Variants in NRAP observed in about 807,000 individuals in gnomAD.
The protein encoded by NRAP is nebulin related anchoring protein, also known as nebulin-related-anchoring protein.
A neutral mutation model predicts 225.9 loss-of-function variants in NRAP; 189 were observed. The ratio of observed to expected loss-of-function variants is 0.84; its 90% CI spans 0.74 to 0.94. NRAP has a LOEUF of 0.94. Ranked by LOEUF, NRAP falls within the 40% of genes least tolerant of loss-of-function variation. The pLI is 0.00. For missense variants in NRAP, 2,176 were observed against 2,168.7 expected, an observed-to-expected ratio of 1.00 and a Z score of -0.07; for synonymous variants, 769 against 790.7, an observed-to-expected ratio of 0.97 and a Z score of 0.46.
rs760679116 is a variant in NRAP, at chr10:113,626,136, G to A, written c.2155C>T (p.Arg719Trp). ...AGQLVSEKNY[R>W]QRVDELKFTS... The stretch of plus-strand genomic sequence containing the variant: ...AACTTCAGCTCATCGACCCTCTGCC[G>A]GTAGTTTTTCTGTTTCCAAAGGAAA... The change falls in exon 21 of 42, where the codon CGG becomes TGG. Residue 719 changes from arginine to tryptophan, a missense_variant. By Grantham distance (101) the Arg-to-Trp change is moderately radical (BLOSUM62 -3). Coordinates refer to ENST00000359988, the MANE Select transcript of NRAP (RefSeq NM_198060.4). The A allele has an allele frequency of 1.2e-5, 19 of 1,604,088 alleles. No individual in the cohort carries two copies. Among genetic ancestry groups the A allele is most frequent in the Middle Eastern group, 1.6e-4 (1 of 6,072 alleles).
Position 113,597,968 on chromosome 10 carries a change from C to T in NRAP, c.4332+1G>A, listed in dbSNP as rs112987128. On this transcript the variant is annotated splice_donor_variant, in intron 36 of 41. Transcript: ENST00000359988. LOFTEE classifies it high-confidence loss of function. ...TTGTGGTGGGGACAGGTTGATGGTA[C>T]CTCGCTGATGAGTTCTCCAGCCTTC... 6.2e-7 allele frequency: 1 copy of T among 1,601,108 alleles called. No individual in the cohort carries two copies. The highest frequency in any genetic ancestry group is 8.6e-7 in the Non-Finnish European group (1 of 1,168,234).
chr10:113,620,976 C>A (rs372109201), intron 24 of NRAP, among the ~76,000 whole-genome samples: 1 of 152,180 alleles, frequency 6.6e-6, no homozygotes, highest in African/African-American at 2.4e-5. Flanking sequence ...ACCAAGCTTG[C>A]CCCTCATTAC....
intron 35 of NRAP, among the ~76,000 whole-genome samples, chr10:113,599,389 G>A (rs568585598): frequency 6.6e-6 from 1 of 152,200 alleles, no homozygotes; most frequent in Admixed American, 6.5e-5. Flanking sequence ...AGTCTACACC[G>A]GCAAAGCTTT....
rs774925164 is a variant in NRAP, at chr10:113,605,838, C to T, written c.3839G>A (p.Arg1280His). Residue 1280 changes from arginine to histidine, a missense_variant, in exon 34 of 42, where the codon CGT (arginine) becomes CAT (histidine). This residue lies in a region of NRAP where 1,708 missense variants were observed against 1,695.5 expected (regional missense o/e 1.01). Transcript: ENST00000359988. ...ARYKESWRNL[R>H]AQGYKLTIEA... ...TATTGTCAGCTTGTAGCCTTGAGCA[C>T]GAAGATTACGCCAGGACTCTTTGTA... 1.5e-5 allele frequency: 24 copies of T among 1,614,004 alleles called. No individual in the cohort carries two copies. Among genetic ancestry groups the T allele is most frequent in the South Asian group, 1.1e-4 (10 of 91,072 alleles).
rs141793697 is a variant in NRAP at position 113,604,809 on chromosome 10, C to G, written c.4027G>C (p.Glu1343Gln). Residue 1343 changes from glutamate (E) to glutamine (Q), a missense_variant, in exon 35 of 42, where the codon GAG becomes CAG. Physicochemically the swap from Glu to Gln is conservative, Grantham distance 29. Around this residue, in one of 3 missense-constraint regions of NRAP, gnomAD observed 1,708 missense variants for 1,695.5 expected, o/e 1.01. Coordinates refer to ENST00000359988, the MANE Select transcript of NRAP (RefSeq NM_198060.4). ...GTCGCCCCCCTCCTGTACTGAAGCT[C>G]GCTCTGCAGCTGGCCCATGCGCCGG... Reference protein sequence around the residue: ...HCRRMGQLQSELQYRRGATSS... With the variant: ...HCRRMGQLQSQLQYRRGATSS... 6.2e-7 allele frequency: 1 copy of G among 1,614,178 alleles called. No homozygotes were observed. The highest frequency in any genetic ancestry group is 1.7e-5 in the Admixed American group (1 of 60,032).
At chr10:113,619,988 A>G (rs1847896026) in intron 25 of NRAP, among the ~76,000 whole-genome samples, 1 of 152,028 alleles carries the variant, frequency 6.6e-6, no homozygotes, top group East Asian at 1.9e-4. Flanking sequence ...GGATAACCCC[A>G]CGACAAAGAA....
At position 113,663,404 on chromosome 10, in the gene NRAP, T is replaced by C; in HGVS notation, c.115A>G (p.Met39Val). The change falls in exon 2 of 42, where the codon ATG becomes GTG. Residue 39 changes from methionine to valine, a missense_variant. Around this residue, in one of 3 missense-constraint regions of NRAP, gnomAD observed 1,708 missense variants for 1,695.5 expected, o/e 1.01. Transcript: ENST00000359988. ...CTCACAAAGTTATTAACAGACAGCA[T>C]CATCTTGCAAACTTCACAGTGAAAA... ...ACFHCEVCKM[M>V]LSVNNFVSHQ... The C allele has an allele frequency of 6.2e-7, 1 of 1,613,516 alleles. No homozygotes were observed. Among genetic ancestry groups the C allele is most frequent in the Non-Finnish European group, 8.5e-7 (1 of 1,179,420 alleles).
At chr10:113,658,333 G>A (rs1850439491) in intron 3 of NRAP, among the ~76,000 whole-genome samples, 1 of 152,140 alleles carries the variant, frequency 6.6e-6, no homozygotes, top group Non-Finnish European at 1.5e-5. Flanking sequence ...TATTTTAGAA[G>A]CTTTGTGTTT....
In NRAP at chr10:113,621,541, C is replaced by G. The variant is rs936127833; in HGVS notation, c.2769+328G>C. 3.3e-4 allele frequency among the ~76,000 whole-genome samples: 50 copies of G among 152,198 alleles called. 2 individuals are homozygous for G. Among genetic ancestry groups the G allele is most frequent in the Admixed American group, 6.5e-5 (1 of 15,288 alleles). ...GTCGGGGTGAGTTATCAGCGATGCTCTCCCCTAGCAGGCCACCACTAGGAA... is the reference window on the plus strand; with the variant it reads ...GTCGGGGTGAGTTATCAGCGATGCTGTCCCCTAGCAGGCCACCACTAGGAA... On this transcript the variant is annotated intron_variant, in intron 24 of 41. Transcript: ENST00000359988.
At chr10:113,653,084 G>T in intron 5 of NRAP, 45 bp from the exon 6 acceptor site, 3 of 1,073,326 alleles carry the variant, frequency 2.8e-6, no homozygotes, top group Non-Finnish European at 4.1e-6. Context: ...AGATGATATT[G>T]AATGACAACT....
intron 30 of NRAP, among the ~76,000 whole-genome samples, chr10:113,611,294 G>C (rs1847306900): frequency 1.3e-5 from 2 of 152,110 alleles, no homozygotes; most frequent in South Asian, 4.2e-4. Flanking sequence ...GCTGTACACA[G>C]GCGTAAAATC....
intron 39 of NRAP, 27 bp from the exon 40 acceptor site, chr10:113,590,916 T>G: frequency 6.2e-7 from 1 of 1,602,338 alleles, no homozygotes; most frequent in Non-Finnish European, 8.5e-7. Context: ...CAGAGGCAGA[T>G]CATGGGTGCC....
In NRAP at chr10:113,648,735, A is replaced by C. The variant is rs1849753460; in HGVS notation, c.888+1302T>G. ...GACTGAGTCCTCTCAACAGCTGCTG[A>C]AGGTGCTATCAAACAACACTCACTT... On this transcript the variant is annotated intron_variant, in intron 9 of 41. Transcript: ENST00000359988. 2.0e-5 allele frequency among the ~76,000 whole-genome samples: 3 copies of C among 152,240 alleles called. No individual in the cohort carries two copies. In the South Asian group the frequency reaches 6.2e-4, roughly 32 times the overall value.
chr10:113,633,724 A>T (rs1848700924), intron 15 of NRAP, among the ~76,000 whole-genome samples: 1 of 152,196 alleles, frequency 6.6e-6, no homozygotes, highest in Non-Finnish European at 1.5e-5. Context: ...TTAAAATTAT[A>T]TAAACATGTT....
At chr10:113,596,556 G>C (rs1243947852) in intron 37 of NRAP, among the ~76,000 whole-genome samples, 2 of 152,206 alleles carry the variant, frequency 1.3e-5, no homozygotes, top group East Asian at 1.9e-4. Flanking sequence ...TATACAGAGA[G>C]TAAAATCAGG....
At position 113,650,524 on chromosome 10, in the gene NRAP, C is replaced by T; in HGVS notation, c.697G>A (p.Glu233Lys). 1.2e-6 allele frequency: 2 copies of T among 1,612,922 alleles called. No homozygotes were observed. Among genetic ancestry groups the T allele is most frequent in the Non-Finnish European group, 1.7e-6 (2 of 1,178,954 alleles). Residue 233 changes from glutamate (E) to lysine (K), a missense_variant, in exon 8 of 42, where the codon GAA becomes AAA. Around this residue, in one of 3 missense-constraint regions of NRAP, gnomAD observed 1,708 missense variants for 1,695.5 expected, o/e 1.01. Transcript: ENST00000359988. Reference sequence around the variant, plus strand: ...AAACTGCCTTTCCCTCTTTGTTGTTCATAGTCCTCTGTGTATCTCACCTGA... The same window carrying T: ...AAACTGCCTTTCCCTCTTTGTTGTTTATAGTCCTCTGTGTATCTCACCTGA... Reference protein sequence around the residue: ...QSDVRYTEDYEQQRGKGSFPA... With the variant: ...QSDVRYTEDYKQQRGKGSFPA...
intron 13 of NRAP, 132 bp downstream of exon 13, chr10:113,641,233 T>C (rs1197169360): frequency 1.6e-5 from 9 of 552,858 alleles, no homozygotes; most frequent in Non-Finnish European, 2.8e-5. Context: ...AGAAACTCTT[T>C]TGGGTCAGTC....
chr10:113,631,829 A>T, intron 17 of NRAP, 28 bp downstream of exon 17: 1 of 1,394,626 alleles, frequency 7.2e-7, no homozygotes, highest in Non-Finnish European at 1.0e-6. Context: ...TTTCTTATGC[A>T]TTCCTGAGTT....
intron 4 of NRAP, among the ~76,000 whole-genome samples, chr10:113,655,478 C>A (rs898143260): frequency 1.4e-5 from 2 of 142,606 alleles, no homozygotes; most frequent in South Asian, 4.5e-4. Context: ...TCCCTTGAGA[C>A]AGAGTCTTGC....
Sources: allele counts gnomAD v4.1 joint callset (sites outside exome capture counted in the v4.1 genomes callset), GRCh38; gene constraint gnomAD v4.1.1; regional missense constraint gnomAD v4.1.1; transcripts MANE v1.5; gene names NCBI Gene and HGNC (gene_info 2026-07-23, HGNC 2026-07-21).